The following RBFOX1 variants were observed in gnomAD, a reference collection of about 807,000 sequenced individuals.
The protein encoded by RBFOX1 is RNA binding fox-1 homolog 1.
A neutral mutation model predicts 57.7 loss-of-function variants in RBFOX1; 8 were observed. That is an observed-to-expected ratio of 0.14 (90% CI 0.08 to 0.25). The LOEUF (loss-of-function observed/expected upper bound fraction) is 0.25, where lower values mean the gene tolerates loss of function less well. RBFOX1 is among the 10% of genes least tolerant of loss of function. The pLI is 1.00. For synonymous variants in RBFOX1, 326 were observed against 222.4 expected, an observed-to-expected ratio of 1.47 and a Z score of -4.15; for missense variants, 611 against 548.5, an observed-to-expected ratio of 1.11 and a Z score of -1.14.
rs570911172 is a variant in RBFOX1, at chr16:7,354,650, A to G, written c.28-163497A>G. Among the ~76,000 whole-genome samples, 5 of 152,344 alleles carry G rather than the reference A, an allele frequency of 3.3e-5. No homozygotes were observed. In the East Asian group the frequency reaches 7.7e-4, roughly 24 times the overall value. On this transcript the variant is annotated intron_variant, in intron 4 of 15. Coordinates refer to ENST00000550418, the MANE Select transcript of RBFOX1 (RefSeq NM_018723.4). ...ATTTTTGTTAGCTGTGTTTATGAGG[A>G]AAGAATTAGGATATTTTAGCTGGGG...
At chr16:7,671,308 A>G (rs183269880) in intron 13 of RBFOX1, among the ~76,000 whole-genome samples, 20 of 152,330 alleles carry the variant, frequency 1.3e-4, no homozygotes, top group Non-Finnish European at 2.6e-4. Flanking sequence ...AGAAATAAAC[A>G]CAAGTTATAA....
rs1189265230 is a variant in RBFOX1, at chr16:5,908,119, T to TAC, written c.351+40788_351+40789dup. ...ATACACATATATATATACACATATA[T>TAC]ACACATATATATATACACATATATA... On this transcript the variant is annotated intron_variant, in intron 4 of 19. Coordinates refer to the RBFOX1 transcript ENST00000641259. Among the ~76,000 whole-genome samples, 214 of 137,592 alleles carry TAC rather than the reference T, an allele frequency of 1.6e-3. 5 individuals are homozygous for TAC. The highest frequency in any genetic ancestry group is 6.5e-3 in the African/African-American group (201 of 30,956). 90.3% of individuals were successfully genotyped at this position (137,592 alleles called of 152,430 possible).
chr16:5,325,028 G>A (rs1282836537), intron 1 of RBFOX1, among the ~76,000 whole-genome samples: 2 of 152,148 alleles, frequency 1.3e-5, no homozygotes, highest in East Asian at 3.8e-4. Context: ...ACAAACAGAA[G>A]TCTACCTATG....
intron 3 of RBFOX1, among the ~76,000 whole-genome samples, chr16:6,884,592 AT>A (rs976355881): frequency 6.6e-6 from 1 of 152,098 alleles, no homozygotes; most frequent in Middle Eastern, 3.2e-3. Flanking sequence ...TTTTGAAGAG[AT>A]TAAAAAACAA....
rs76626244 is a variant in RBFOX1 at position 6,547,516 on chromosome 16, T to G, written c.-63-107087T>G. Among the ~76,000 whole-genome samples, 177 of 152,308 alleles carry G rather than the reference T, an allele frequency of 1.2e-3. 1 individual carries two copies. In the East Asian group the frequency reaches 0.024, roughly 21 times the overall value. ...GAACAGACAAATTGTGGTTCTTTTT[T>G]TTGTTGTTGTTGTTATTGAGATATT... On this transcript the variant is annotated intron_variant, in intron 2 of 15. Coordinates refer to ENST00000550418, the MANE Select transcript of RBFOX1 (RefSeq NM_018723.4).
intron 10 of RBFOX1, among the ~76,000 whole-genome samples, chr16:7,629,417 C>T (rs887179744): frequency 2.6e-5 from 4 of 152,140 alleles, no homozygotes; most frequent in African/African-American, 9.7e-5. Context: ...TGCGGGTGCA[C>T]TTGTAAGGTT....
At chr16:7,652,484 T>C (rs1450680917) in intron 11 of RBFOX1, among the ~76,000 whole-genome samples, 1 of 152,206 alleles carries the variant, frequency 6.6e-6, no homozygotes, top group Admixed American at 6.5e-5. Flanking sequence ...CTCGACTCAC[T>C]GCAACCTCCA....
intron 3 of RBFOX1, among the ~76,000 whole-genome samples, chr16:5,800,096 G>C (rs2055010409): frequency 6.6e-6 from 1 of 151,836 alleles, no homozygotes; most frequent in African/African-American, 2.4e-5. Flanking sequence ...ATAGATGGAG[G>C]GGAGAGAAAT....
At chr16:6,032,289 A>G (rs1286057837) in intron 1 of RBFOX1, among the ~76,000 whole-genome samples, 1 of 152,188 alleles carries the variant, frequency 6.6e-6, no homozygotes, top group African/African-American at 2.4e-5. Flanking sequence ...ATTTTGAGAC[A>G]AAGATTGGTG....
chr16:6,105,033 T>C (rs1471247960), intron 1 of RBFOX1, among the ~76,000 whole-genome samples: 1 of 152,240 alleles, frequency 6.6e-6, no homozygotes, highest in Non-Finnish European at 1.5e-5. Context: ...CTTCTTAGAT[T>C]TGCTTTGTCA....
chr16:5,930,630 C>A (rs1428405591), intron 4 of RBFOX1, among the ~76,000 whole-genome samples: 62 of 43,386 alleles, frequency 1.4e-3, no homozygotes, highest in East Asian at 4.5e-3. Flanking sequence ...GGATGCATGG[C>A]TGGATGCATG....
At chr16:6,755,970 A>G (rs995761057) in intron 3 of RBFOX1, among the ~76,000 whole-genome samples, 4 of 152,178 alleles carry the variant, frequency 2.6e-5, no homozygotes. Flanking sequence ...GCCAGTTTCA[A>G]ATTGCTAGCT....
chr16:6,955,677 TTAGGTATG>T (rs1379765484), intron 3 of RBFOX1, among the ~76,000 whole-genome samples: 13 of 105,340 alleles, frequency 1.2e-4, no homozygotes, highest in African/African-American at 4.2e-4. Context: ...CTTTATTTAT[TTAGGTATG>T]TATGTATTTA....
chr16:5,569,800 G>C (rs1161777262), intron 2 of RBFOX1, among the ~76,000 whole-genome samples: 1 of 152,026 alleles, frequency 6.6e-6, no homozygotes, highest in Admixed American at 6.6e-5. Flanking sequence ...TATGACATAA[G>C]GGTTATTTCT....
At chr16:5,702,697 A>G (rs989682895) in intron 3 of RBFOX1, among the ~76,000 whole-genome samples, 2 of 152,242 alleles carry the variant, frequency 1.3e-5, no homozygotes, top group Admixed American at 6.5e-5. Flanking sequence ...ACCCATCTGT[A>G]AAATGGGGTT....
chr16:5,277,125 C>G (rs1567269263), intron 1 of RBFOX1, among the ~76,000 whole-genome samples: 1 of 152,006 alleles, frequency 6.6e-6, no homozygotes, highest in African/African-American at 2.4e-5. Flanking sequence ...ACTACTTAGC[C>G]TTAAAAAGGA....
intron 4 of RBFOX1, among the ~76,000 whole-genome samples, chr16:7,288,749 G>C (rs1179738210): frequency 6.6e-6 from 1 of 152,156 alleles, no homozygotes; most frequent in Non-Finnish European, 1.5e-5. Flanking sequence ...GCTGAGGCAG[G>C]AGAATCACTT....
At chr16:7,112,824 T>A (rs1187318937) in intron 4 of RBFOX1, among the ~76,000 whole-genome samples, 2 of 152,080 alleles carry the variant, frequency 1.3e-5, no homozygotes, top group Non-Finnish European at 2.9e-5. Context: ...GGCCTCTGTT[T>A]TATGATTTGG....
chr16:7,103,651 G>C (rs1423263789), intron 4 of RBFOX1, among the ~76,000 whole-genome samples: 2 of 152,054 alleles, frequency 1.3e-5, no homozygotes, highest in Non-Finnish European at 2.9e-5. Flanking sequence ...TTTTTGTTAA[G>C]TACATGTCTT....
Sources: allele counts gnomAD v4.1 joint callset (sites outside exome capture counted in the v4.1 genomes callset), GRCh38; gene constraint gnomAD v4.1.1; transcripts MANE v1.5; gene names NCBI Gene and HGNC (gene_info 2026-07-23, HGNC 2026-07-21).